Variants in BOC observed in about 807,000 individuals in gnomAD.
BOC encodes the protein brother of CDO.
BOC carries 76 observed loss-of-function variants against 112.0 expected under a neutral mutation model. The ratio of observed to expected loss-of-function variants is 0.68; its 90% confidence interval spans 0.56 to 0.82. The LOEUF is 0.82. BOC is among the 40% of genes least tolerant of loss of function. The probability of loss-of-function intolerance (pLI) is 0.00; values close to 1 mark genes in which losing one functional copy is unlikely to be tolerated. For missense variants in BOC, 1,309 were observed against 1,511.7 expected (o/e 0.87, Z 2.22); for synonymous variants, 580 against 599.8 (o/e 0.97, Z 0.48).
At chr3:113,281,858 A>G (rs753923587) in intron 15 of BOC, among the ~76,000 whole-genome samples, 73 of 152,234 alleles carry the variant, frequency 4.8e-4, no homozygotes, top group Non-Finnish European at 7.3e-5. Context: ...TCAGTTGTTC[A>G]GCAGATCCTC....
intron 16 of BOC, 30 bp downstream of exon 16, chr3:113,283,662 T>C: frequency 6.3e-7 from 1 of 1,598,562 alleles, no homozygotes; most frequent in Non-Finnish European, 8.6e-7. Flanking sequence ...AGTGGGAGGA[T>C]CCTGGGTGGG....
At chr3:113,265,472 C>T (rs1460117790) in intron 4 of BOC, among the ~76,000 whole-genome samples, 1 of 152,206 alleles carries the variant, frequency 6.6e-6, no homozygotes, top group Non-Finnish European at 1.5e-5. Context: ...CACAATCACT[C>T]ACAGCTCACA....
chr3:113,285,425 A>ACTCC lies in BOC; in HGVS notation c.3021_3024dup (p.Thr1009LeufsTer58). 6.2e-7 allele frequency: 1 copy of ACTCC among 1,613,298 alleles called. No individual in the cohort carries two copies. Among genetic ancestry groups the ACTCC allele is most frequent in the South Asian group, 1.1e-5 (1 of 91,008 alleles). On this transcript the variant is annotated frameshift_variant, in exon 19 of 20. Transcript: ENST00000682979. LOFTEE classifies it high-confidence loss of function. ...TCTTTCTTATACACACTGCCCGACG[A>ACTCC]CTCCACTCACCAGCTGCTGCAGCCC... is the stretch of plus-strand genomic sequence containing the variant.
intron 8 of BOC, among the ~76,000 whole-genome samples, chr3:113,273,580 C>T (rs1454320267): frequency 1.3e-5 from 2 of 152,186 alleles, no homozygotes; most frequent in African/African-American, 2.4e-5. Context: ...AACCACCACT[C>T]TAGTGCTTTG....
At position 113,218,809 on chromosome 3, in the gene BOC, G is replaced by A. The variant is rs147686982; in HGVS notation, c.-82+2535G>A. Among the ~76,000 whole-genome samples the A allele has an allele frequency of 5.2e-4, 79 of 152,340 alleles. No homozygotes were observed. In the East Asian group the frequency reaches 0.014, roughly 27 times the overall value. On this transcript the variant is annotated intron_variant, in intron 2 of 19. Transcript: ENST00000682979. The stretch of plus-strand genomic sequence containing the variant: ...CTTCTGTTGCAGAGCTGGAGGCTGG[G>A]AAGTTAGGCCTGGCTTTGCCTGTCT...
At position 113,279,848 on chromosome 3, in the gene BOC, G is replaced by A. The variant is rs148337178; in HGVS notation, c.2048G>A (p.Arg683Gln). 6.8e-6 allele frequency: 11 copies of A among 1,610,034 alleles called. No individual in the cohort carries two copies. The highest frequency in any genetic ancestry group is 4.0e-5 in the African/African-American group (3 of 74,754). ...EKGTSYKFRV[R>Q]ALNMLGESEP... ...GGCACCTCCTACAAGTTTCGAGTCC[G>A]GGCTCTGAACATGCTGGGGGAGAGC... The change falls in exon 13 of 20, where the codon CGG becomes CAG. Residue 683 changes from arginine (R) to glutamine (Q), a missense_variant. Arg to Gln is a conservative substitution (Grantham distance 43). Transcript: ENST00000682979.
intron 2 of BOC, among the ~76,000 whole-genome samples, chr3:113,218,245 A>G (rs992041628): frequency 1.3e-5 from 2 of 152,028 alleles, no homozygotes; most frequent in African/African-American, 4.8e-5. Flanking sequence ...GCCCTCCCCC[A>G]CCTTCCCTGG....
At chr3:113,213,421 G>T (rs867790420) in intron 1 of BOC, among the ~76,000 whole-genome samples, 1 of 152,144 alleles carries the variant, frequency 6.6e-6, no homozygotes, top group Non-Finnish European at 1.5e-5. Flanking sequence ...TTTATTCCAC[G>T]ACTGGGTCTT....
chr3:113,212,136 G>C (rs892784749), intron 1 of BOC, 120 bp downstream of exon 1: 4 of 151,230 alleles, frequency 2.6e-5, no homozygotes, highest in African/African-American at 7.3e-5. Flanking sequence ...AGTGGCTGCC[G>C]GGGGACGTGC....
intron 2 of BOC, among the ~76,000 whole-genome samples, chr3:113,219,903 C>G (rs1220237086): frequency 6.6e-6 from 1 of 152,174 alleles, no homozygotes; most frequent in Non-Finnish European, 1.5e-5. Context: ...ATTTCTTCCC[C>G]CCTCCCCTGG....
chr3:113,225,146 C>A (rs554438006), intron 2 of BOC, among the ~76,000 whole-genome samples: 1 of 151,844 alleles, frequency 6.6e-6, no homozygotes, highest in Non-Finnish European at 1.5e-5. Flanking sequence ...TGGTGGTGCA[C>A]GCCTGTAATC....
chr3:113,265,382 G>A (rs1395513988), intron 4 of BOC, among the ~76,000 whole-genome samples: 1 of 152,082 alleles, frequency 6.6e-6, no homozygotes, highest in African/African-American at 2.4e-5. Context: ...AAACCTCTTG[G>A]TGGAGTAGTT....
intron 9 of BOC, among the ~76,000 whole-genome samples, chr3:113,277,330 T>A (rs1225209974): frequency 1.3e-5 from 2 of 152,022 alleles, no homozygotes; most frequent in Non-Finnish European, 2.9e-5. Context: ...ATTGGTGAAA[T>A]GCAGAGCTGA....
intron 1 of BOC, among the ~76,000 whole-genome samples, chr3:113,213,973 A>C (rs1938788765): frequency 6.6e-6 from 1 of 152,236 alleles, no homozygotes; most frequent in African/African-American, 2.4e-5. Flanking sequence ...TTGAGACCTC[A>C]GACACTGTCT....
chr3:113,264,879 T>A (rs1295100697), intron 4 of BOC, among the ~76,000 whole-genome samples: 1 of 152,178 alleles, frequency 6.6e-6, no homozygotes, highest in Non-Finnish European at 1.5e-5. Context: ...CTTATTTGTT[T>A]TGAAGCCAGG....
At chr3:113,235,667 A>C (rs1943328467) in intron 2 of BOC, among the ~76,000 whole-genome samples, 1 of 152,200 alleles carries the variant, frequency 6.6e-6, no homozygotes, top group African/African-American at 2.4e-5. Context: ...GTAGAGATGG[A>C]GACATTAGGA....
intron 4 of BOC, among the ~76,000 whole-genome samples, chr3:113,255,556 TG>T (rs1269097022): frequency 6.6e-6 from 1 of 152,210 alleles, no homozygotes; most frequent in Non-Finnish European, 1.5e-5. Flanking sequence ...ATAAAACAGG[TG>T]GTAACCAGGT....
At chr3:113,271,091 T>A in intron 6 of BOC, 147 bp downstream of exon 6, 1 of 1,205,328 alleles carries the variant, frequency 8.3e-7, no homozygotes, top group Non-Finnish European at 1.2e-6. Flanking sequence ...AGCCAGGGGT[T>A]CTCAGCCAGG....
chr3:113,210,985 A>G (rs1468770321), upstream of BOC: 2 of 152,000 alleles, frequency 1.3e-5, no homozygotes, highest in Admixed American at 1.3e-4. Context: ...TCAATGGACG[A>G]CGCGGCAAAC....
Sources: gnomAD v4.1 joint callset for allele counts (sites outside exome capture counted in the v4.1 genomes callset) on GRCh38, gnomAD v4.1.1 for gene constraint, MANE v1.5 for transcripts, NCBI Gene and HGNC (gene_info 2026-07-23, HGNC 2026-07-21) for gene names.